Variants in KATNIP observed in about 807,000 individuals in gnomAD.
KATNIP encodes the protein katanin-interacting protein.
Under a neutral mutation model 174.0 loss-of-function variants are expected in KATNIP, and 126 were observed. The ratio of observed to expected loss-of-function variants is 0.72; its 90% CI spans 0.63 to 0.84. The LOEUF (loss-of-function observed/expected upper bound fraction) is 0.84, where lower values mean the gene tolerates loss of function less well. KATNIP is among the 40% of genes least tolerant of loss of function. The pLI is 0.00. For synonymous variants in KATNIP, 810 were observed against 835.7 expected (o/e 0.97, Z 0.53); for missense variants, 1,958 against 2,109.7 (o/e 0.93, Z 1.41).
At chr16:27,672,375 A>T (rs1468577720) in intron 6 of KATNIP, among the ~76,000 whole-genome samples, 1 of 152,122 alleles carries the variant, frequency 6.6e-6, no homozygotes, top group Non-Finnish European at 1.5e-5. Flanking sequence ...GCCCTGTCAC[A>T]TCATCCAGAC....
intron 3 of KATNIP, among the ~76,000 whole-genome samples, chr16:27,623,095 G>A (rs1244561781): frequency 6.6e-6 from 1 of 152,114 alleles, no homozygotes; most frequent in Non-Finnish European, 1.5e-5. Flanking sequence ...TTCAAGACTG[G>A]ACTCAAATGC....
At chr16:27,607,100 G>A (rs1001471164) in intron 2 of KATNIP, among the ~76,000 whole-genome samples, 2 of 152,142 alleles carry the variant, frequency 1.3e-5, no homozygotes, top group Admixed American at 6.5e-5. Flanking sequence ...TCACATGGCC[G>A]GGGAGATGGA....
intron 4 of KATNIP, 152 bp from the exon 5 acceptor site, chr16:27,630,913 C>T: frequency 1.6e-6 from 1 of 614,698 alleles, no homozygotes; most frequent in Non-Finnish European, 2.9e-6. Flanking sequence ...TTTCTGATGT[C>T]TTGTTGCCAC....
In KATNIP at chr16:27,643,921, T is replaced by A. The variant is rs1180033022; in HGVS notation, c.409-4683T>A. Reference sequence around the variant, plus strand: ...ACCACCACCACCACCCCTTTTTCTTTTTTATTTATTTATTTTTTTGCTGCT... The same window carrying A: ...ACCACCACCACCACCCCTTTTTCTTATTTATTTATTTATTTTTTTGCTGCT... On this transcript the variant is annotated intron_variant, in intron 5 of 27. Transcript: ENST00000261588. 3.9e-5 allele frequency among the ~76,000 whole-genome samples: 6 copies of A among 152,154 alleles called. No individual in the cohort carries two copies. In the East Asian group the frequency reaches 1.2e-3, roughly 29 times the overall value.
intron 8 of KATNIP, among the ~76,000 whole-genome samples, chr16:27,688,211 A>G (rs28539195): frequency 0.18 from 26,749 of 151,898 alleles, 2,623 homozygotes; most frequent in African/African-American, 0.26. Flanking sequence ...GAGGCAGGAG[A>G]CTCATTTGAA....
intron 2 of KATNIP, among the ~76,000 whole-genome samples, chr16:27,616,153 C>T (rs2076029134): frequency 6.6e-6 from 1 of 152,170 alleles, no homozygotes; most frequent in African/African-American, 2.4e-5. Context: ...GGGAGGACCA[C>T]CTGAGTTCAG....
intron 18 of KATNIP, among the ~76,000 whole-genome samples, chr16:27,756,168 A>G (rs1257423496): frequency 6.6e-6 from 1 of 152,202 alleles, no homozygotes; most frequent in Non-Finnish European, 1.5e-5. Context: ...ATCCCCTGTG[A>G]AAATTCATCT....
intron 18 of KATNIP, among the ~76,000 whole-genome samples, chr16:27,756,254 C>T (rs1475936484): frequency 6.6e-6 from 1 of 152,244 alleles, no homozygotes; most frequent in Non-Finnish European, 1.5e-5. Context: ...TTGGAATTCT[C>T]ATAGCCCCTT....
chr16:27,650,046 G>A (rs923688000), intron 6 of KATNIP, among the ~76,000 whole-genome samples: 3 of 152,234 alleles, frequency 2.0e-5, no homozygotes, highest in African/African-American at 4.8e-5. Flanking sequence ...GGTGGTGTGC[G>A]CCTATAATCC....
intron 15 of KATNIP, among the ~76,000 whole-genome samples, chr16:27,748,058 A>G (rs910030016): frequency 2.0e-5 from 3 of 152,214 alleles, no homozygotes; most frequent in East Asian, 1.9e-4. Flanking sequence ...CAGTGTCAGC[A>G]GCCGCTGTTT....
At chr16:27,625,904 C>G (rs539523606) in intron 3 of KATNIP, among the ~76,000 whole-genome samples, 2 of 151,304 alleles carry the variant, frequency 1.3e-5, no homozygotes, top group Non-Finnish European at 2.9e-5. Context: ...GGCTGGAGTG[C>G]AGTGGCATGA....
intron 14 of KATNIP, among the ~76,000 whole-genome samples, chr16:27,729,072 C>G (rs1240808606): frequency 6.6e-6 from 1 of 152,206 alleles, no homozygotes; most frequent in Non-Finnish European, 1.5e-5. Flanking sequence ...CCAGGATTCT[C>G]TTGGTACCAA....
intron 19 of KATNIP, among the ~76,000 whole-genome samples, chr16:27,764,710 A>C (rs2082066969): frequency 6.6e-6 from 1 of 152,248 alleles, no homozygotes; most frequent in Non-Finnish European, 1.5e-5. Context: ...ATGCTCCAGC[A>C]GTTCTCTCTG....
chr16:27,668,079 G>C (rs2077749419), intron 6 of KATNIP, among the ~76,000 whole-genome samples: 1 of 152,156 alleles, frequency 6.6e-6, no homozygotes, highest in Non-Finnish European at 1.5e-5. Flanking sequence ...CCTCTTACGG[G>C]CAGGTTTATC....
At chr16:27,699,365 G>A (rs1447774078) in intron 9 of KATNIP, 169 bp from the exon 10 acceptor site, 4 of 817,364 alleles carry the variant, frequency 4.9e-6, no homozygotes, top group East Asian at 1.3e-4. Context: ...GGCATCCATC[G>A]AGCAGCAACT....
intron 20 of KATNIP, 69 bp downstream of exon 20, chr16:27,766,543 G>C (rs185937260): frequency 6.8e-7 from 1 of 1,474,616 alleles, no homozygotes; most frequent in Admixed American, 1.8e-5. Context: ...AATGGCTGGC[G>C]TGGCAGCCAG....
chr16:27,632,262 C>T (rs144132439), intron 5 of KATNIP, among the ~76,000 whole-genome samples: 291 of 152,310 alleles, frequency 1.9e-3, no homozygotes, highest in African/African-American at 6.8e-3. Context: ...GGCAGCCTCC[C>T]TCCCGGGTGG....
At chr16:27,559,498 A>G (rs2089766270) in intron 1 of KATNIP, among the ~76,000 whole-genome samples, 1 of 151,776 alleles carries the variant, frequency 6.6e-6, no homozygotes, top group Admixed American at 6.6e-5. Context: ...CCTGGGCAAC[A>G]CGGTGAGACC....
chr16:27,642,476 G>A (rs1433346717), intron 5 of KATNIP, among the ~76,000 whole-genome samples: 1 of 152,104 alleles, frequency 6.6e-6, no homozygotes, highest in Non-Finnish European at 1.5e-5. Flanking sequence ...AATCAATGAT[G>A]AACTTCAAAG....
Sources: allele counts gnomAD v4.1 joint callset (sites outside exome capture counted in the v4.1 genomes callset), GRCh38; gene constraint gnomAD v4.1.1; transcripts MANE v1.5; gene names NCBI Gene and HGNC (gene_info 2026-07-23, HGNC 2026-07-21).